ICE2: variants seen among roughly 807,000 people sequenced by gnomAD.
ICE2 encodes the protein little elongation complex subunit 2.
In ICE2, 87 loss-of-function variants were observed where a neutral mutation model predicts 105.4. That is an observed-to-expected ratio of 0.83 (90% confidence interval 0.69 to 0.99). ICE2 has a LOEUF of 0.99. Among genes scored for constraint, ICE2 ranks in the 50% least tolerant of loss-of-function variants. The probability of loss-of-function intolerance (pLI) is 0.00; values close to 1 mark genes in which losing one functional copy is unlikely to be tolerated. For synonymous variants in ICE2, 399 were observed against 392.0 expected, an observed-to-expected ratio of 1.02 and a Z score of -0.21; for missense variants, 1,323 against 1,146.7, an observed-to-expected ratio of 1.15 and a Z score of -2.22.
At chr15:60,474,124 C>A (rs1404328822) in intron 3 of ICE2, among the ~76,000 whole-genome samples, 1 of 152,190 alleles carries the variant, frequency 6.6e-6, no homozygotes, top group East Asian at 1.9e-4. Context: ...GTCTCAGACT[C>A]AGGCCTCAAG....
intron 14 of ICE2, 46 bp downstream of exon 14, chr15:60,431,888 T>C: frequency 9.4e-7 from 1 of 1,062,876 alleles, no homozygotes; most frequent in South Asian, 1.4e-5. Flanking sequence ...AATTTTCATC[T>C]AAGAAAATCA....
intron 11 of ICE2, 34 bp downstream of exon 11, chr15:60,447,936 T>C (rs775799505): frequency 1.3e-6 from 2 of 1,539,280 alleles, no homozygotes; most frequent in East Asian, 2.3e-5. Context: ...ATTATTTATG[T>C]GATCATATTC....
rs759305761 is a variant in ICE2 at position 60,448,140 on chromosome 15, G to C, written c.2125C>G (p.Pro709Ala). Residue 709 changes from proline to alanine, a missense_variant, in exon 11 of 16, where the codon CCA becomes GCA. Pro to Ala is a conservative substitution (Grantham distance 27, BLOSUM62 -1). Coordinates refer to ENST00000261520, the MANE Select transcript of ICE2 (RefSeq NM_024611.6). ...SAFQKPKGRL[P>A]YELQDYVEDT... ...TCAACATAGTCCTGAAGTTCATATG[G>C]CAATCCTTTAAAAATAGTATTTCTC... 5 of 1,599,486 alleles carry C rather than the reference G, an allele frequency of 3.1e-6. No individual in the cohort carries two copies. Among genetic ancestry groups the C allele is most frequent in the Non-Finnish European group, 2.6e-6 (3 of 1,169,714 alleles).
rs2064862341 is a variant in ICE2 at position 60,479,103 on chromosome 15, T to G, written c.-193A>C. 4.6e-6 allele frequency: 2 copies of G among 437,866 alleles called. No individual in the cohort carries two copies. Among genetic ancestry groups the G allele is most frequent in the Non-Finnish European group, 9.4e-6 (2 of 213,376 alleles). The allele number at this position is 437,866 out of a possible 1,614,324, so 27.1% of individuals were successfully genotyped here. On this transcript the variant is annotated 5_prime_UTR_variant, in exon 1 of 16. Coordinates refer to ENST00000261520, the MANE Select transcript of ICE2 (RefSeq NM_024611.6). ...GCGCGCGCCCAAAAAAGACCATATT[T>G]AAAGGATGTGGCCGCGCCGACTCGG...
In ICE2 at chr15:60,431,989, T is replaced by A; in HGVS notation, c.2511-5A>T. On this transcript the variant is annotated splice_polypyrimidine_tract_variant and splice_region_variant and intron_variant, in intron 13 of 15. Coordinates refer to ENST00000261520, the MANE Select transcript of ICE2 (RefSeq NM_024611.6). ...ATGTTAAATAAATTGGAAATCCTGATAAACAAAAGAAATTCATGTAAAATT... is the reference window on the plus strand; with the variant it reads ...ATGTTAAATAAATTGGAAATCCTGAAAAACAAAAGAAATTCATGTAAAATT... The A allele has an allele frequency of 1.4e-6, 2 of 1,386,980 alleles. No homozygotes were observed. Among genetic ancestry groups the A allele is most frequent in the Non-Finnish European group, 2.0e-6 (2 of 990,882 alleles). The allele number at this position is 1,386,980 out of a possible 1,614,324, so 85.9% of individuals were successfully genotyped here. A position where few individuals can be genotyped will look rare whatever the true frequency, so the allele number is the denominator to read the frequency against.
At chr15:60,478,592 G>T (rs1443745781) in intron 1 of ICE2, 1 of 283,918 alleles carries the variant, frequency 3.5e-6, no homozygotes, top group East Asian at 1.2e-4. Flanking sequence ...CTACAAATCA[G>T]GCTTGATCTC....
At chr15:60,468,375 A>G in intron 3 of ICE2, 53 bp from the exon 4 acceptor site, 1 of 1,347,078 alleles carries the variant, frequency 7.4e-7, no homozygotes. Flanking sequence ...GAAGATTACT[A>G]TCATGGAACT....
chr15:60,453,579 G>C lies in ICE2; in HGVS notation c.1125+24C>G, dbSNP rs539431059. On this transcript the variant is annotated intron_variant, in intron 9 of 15. Transcript: ENST00000261520. ...AGGATAAACAAGTACATTCCCCTTA[G>C]GGGAAAAAAAAAGCATTACATACGT... 3.1e-6 allele frequency: 5 copies of C among 1,608,908 alleles called. No homozygotes were observed. The South Asian group carries it at 4.5e-5, about 14-fold the overall frequency.
At chr15:60,455,931 T>C (rs1190831003) in intron 6 of ICE2, among the ~76,000 whole-genome samples, 1 of 152,014 alleles carries the variant, frequency 6.6e-6, no homozygotes, top group Non-Finnish European at 1.5e-5. Flanking sequence ...TTCATAGAAT[T>C]TTTCCTGCCA....
chr15:60,442,316 A>G (rs2063735615), intron 12 of ICE2, 100 bp downstream of exon 12: 3 of 1,124,904 alleles, frequency 2.7e-6, no homozygotes, highest in South Asian at 1.5e-5. Flanking sequence ...AATAAAAACG[A>G]AAGTAAAAAA....
chr15:60,474,973 A>G (rs2064716993), intron 3 of ICE2, among the ~76,000 whole-genome samples: 1 of 152,156 alleles, frequency 6.6e-6, no homozygotes, highest in African/African-American at 2.4e-5. Context: ...CAAAACAAAA[A>G]CGAAAAAGTA....
Position 60,449,005 on chromosome 15 carries a change from C to G in ICE2, c.1962G>C (p.Glu654Asp). 1 of 1,613,882 alleles carries G rather than the reference C, an allele frequency of 6.2e-7. No homozygotes were observed. The highest frequency in any genetic ancestry group is 1.1e-5 in the South Asian group (1 of 91,054). ...CTTTTCTGGAAATTGGCTTTAAGAG[C>G]TCATCCTGCATTTTTAAAATCTCTC... ...PVGEILKMQD[E>D]LLKPISRKVP... Residue 654 changes from glutamate (E) to aspartate (D), a missense_variant, in exon 10 of 16, where the codon GAG becomes GAC. Coordinates refer to ENST00000261520, the MANE Select transcript of ICE2 (RefSeq NM_024611.6).
At chr15:60,449,901 T>TA in intron 9 of ICE2, 60 bp from the exon 10 acceptor site, 3 of 1,187,156 alleles carry the variant, frequency 2.5e-6, no homozygotes, top group Non-Finnish European at 3.6e-6. Context: ...ACCTATCTCT[T>TA]AATGTCCCTA....
chr15:60,430,569 G>A (rs1011638177), intron 14 of ICE2, among the ~76,000 whole-genome samples: 11 of 152,076 alleles, frequency 7.2e-5, no homozygotes, highest in Admixed American at 5.2e-4. Flanking sequence ...ATGAAGAACA[G>A]AATATATAAA....
intron 1 of ICE2, 86 bp from the exon 2 acceptor site, chr15:60,478,155 A>T (rs757605371): frequency 1.4e-5 from 9 of 627,204 alleles, no homozygotes; most frequent in African/African-American, 9.1e-5. Flanking sequence ...CTCCCTAAAC[A>T]TCTACCCTCA....
In ICE2 at chr15:60,459,550, T is replaced by C. The variant is rs189566567; in HGVS notation, c.529-2756A>G. 2.9e-3 allele frequency among the ~76,000 whole-genome samples: 444 copies of C among 152,198 alleles called. 2 individuals are homozygous for C. Among genetic ancestry groups the C allele is most frequent in the Non-Finnish European group, 5.4e-3 (367 of 68,014 alleles). The stretch of plus-strand genomic sequence containing the variant: ...TAGGTTTTCAGGAAGAATGAAAGAA[T>C]CTCAGAATGTAGGTTTGAGAAGAAA... On this transcript the variant is annotated intron_variant, in intron 5 of 15. Transcript: ENST00000261520.
chr15:60,454,799 T>C (rs141670701), intron 8 of ICE2: 21 of 435,864 alleles, frequency 4.8e-5, no homozygotes, highest in African/African-American at 3.9e-4. Flanking sequence ...CAACCTGTCA[T>C]CTAGGTTTTA....
intron 5 of ICE2, among the ~76,000 whole-genome samples, chr15:60,464,496 G>C (rs2064367716): frequency 6.6e-6 from 1 of 152,180 alleles, no homozygotes; most frequent in Non-Finnish European, 1.5e-5. Flanking sequence ...CATCTGAACA[G>C]ACAGAGACCT....
intron 3 of ICE2, among the ~76,000 whole-genome samples, chr15:60,474,489 T>C (rs544929244): frequency 1.8e-4 from 28 of 152,274 alleles, no homozygotes; most frequent in African/African-American, 6.3e-4. Context: ...AATACAGCTA[T>C]AGGCCGTGCA....
Sources: gnomAD v4.1 joint callset for allele counts (sites outside exome capture counted in the v4.1 genomes callset) on GRCh38, gnomAD v4.1.1 for gene constraint, MANE v1.5 for transcripts, NCBI Gene and HGNC (gene_info 2026-07-23, HGNC 2026-07-21) for gene names.